GANC: variants seen among roughly 807,000 people sequenced by gnomAD.
GANC encodes neutral alpha-glucosidase C.
A neutral mutation model predicts 124.2 loss-of-function variants in GANC; 117 were observed. The ratio of observed to expected loss-of-function variants is 0.94; its 90% confidence interval spans 0.81 to 1.10. GANC has a LOEUF of 1.10. Ranked by LOEUF, GANC falls within the 50% of genes least tolerant of loss-of-function variation. The probability of loss-of-function intolerance (pLI) is 0.00; values close to 1 mark genes in which losing one functional copy is unlikely to be tolerated. For synonymous variants in GANC, 377 were observed against 376.8 expected (o/e 1.00, Z -0.01); for missense variants, 1,140 against 1,095.0 (o/e 1.04, Z -0.58).
At chr15:42,327,706 T>A (rs1228790334) in intron 13 of GANC, among the ~76,000 whole-genome samples, 1 of 152,236 alleles carries the variant, frequency 6.6e-6, no homozygotes, top group Non-Finnish European at 1.5e-5. Context: ...AGCAGAGGTT[T>A]ATTATATTTT....
Position 42,308,373 on chromosome 15 carries a change from C to G in GANC, c.722+55C>G. 6.7e-6 allele frequency: 8 copies of G among 1,194,234 alleles called. No individual in the cohort carries two copies. The South Asian group carries it at 1.0e-4, about 15-fold the overall frequency. The allele number at this position is 1,194,234 out of a possible 1,614,324, so 74.0% of individuals were successfully genotyped here. On this transcript the variant is annotated intron_variant, in intron 8 of 23. Transcript: ENST00000318010. ...TCTCTGGTTTTTGTATTGAGATGAT[C>G]TGAAAACATTTGTGAGCTGTCTGAG...
At position 42,343,193 on chromosome 15, in the gene GANC, A is replaced by C. The variant is rs367877357; in HGVS notation, c.2229+39A>C. 15 of 1,529,104 alleles carry C rather than the reference A, an allele frequency of 9.8e-6. No homozygotes were observed. In the African/African-American group the frequency reaches 1.5e-4, roughly 15 times the overall value. 94.7% of individuals were successfully genotyped at this position (1,529,104 alleles called of 1,614,324 possible). A position where few individuals can be genotyped will look rare whatever the true frequency, so the allele number is the denominator to read the frequency against. On this transcript the variant is annotated intron_variant, in intron 19 of 23. Coordinates refer to ENST00000318010, the MANE Select transcript of GANC (RefSeq NM_198141.3). ...CAGCCACATATCTGATATGTCTCAT[A>C]TCTCTCATCCCTTCTTTTCTTTTAG...
chr15:42,292,994 ACATAGCAC>A, intron 5 of GANC, 77 bp downstream of exon 5: 3 of 1,341,712 alleles, frequency 2.2e-6, no homozygotes, highest in South Asian at 2.8e-5. Flanking sequence ...TAAATAGATA[ACATAGCAC>A]CATAGAAAAT....
chr15:42,307,518 C>T (rs1183346733), intron 7 of GANC, among the ~76,000 whole-genome samples: 1 of 151,918 alleles, frequency 6.6e-6, no homozygotes, highest in African/African-American at 2.4e-5. Context: ...TCTTTTTCAC[C>T]TTCTCTGTAG....
rs748746631 is a variant in GANC, at chr15:42,339,756, G to T, written c.1931G>T (p.Gly644Val). Residue 644 changes from glycine to valine, a missense_variant, in exon 17 of 24, where the codon GGC becomes GTC. Transcript: ENST00000318010. The part of the protein sequence containing the change: ...QAGAYQPFFR[G>V]HATMNTKRRE... Reference sequence around the variant, plus strand: ...GGAGCCTACCAGCCCTTCTTCCGTGGCCATGCCACCATGAACACCAAGCGA... The same window carrying T: ...GGAGCCTACCAGCCCTTCTTCCGTGTCCATGCCACCATGAACACCAAGCGA... 1.2e-6 allele frequency: 2 copies of T among 1,614,128 alleles called. No homozygotes were observed. Among genetic ancestry groups the T allele is most frequent in the Non-Finnish European group, 1.7e-6 (2 of 1,180,012 alleles).
At chr15:42,340,048 A>G (rs939617242) in intron 17 of GANC, 136 bp downstream of exon 17, 1 of 1,220,214 alleles carries the variant, frequency 8.2e-7, no homozygotes, top group Non-Finnish European at 1.1e-6. Flanking sequence ...AAGTTTCAAT[A>G]AGCTTATTGA....
intron 3 of GANC, among the ~76,000 whole-genome samples, chr15:42,281,877 G>A (rs1465303877): frequency 6.6e-6 from 1 of 152,060 alleles, no homozygotes. Context: ...AAAGTCTTGA[G>A]AAACGGTCTC....
intron 6 of GANC, among the ~76,000 whole-genome samples, chr15:42,299,169 T>C (rs1430265766): frequency 6.6e-6 from 1 of 152,214 alleles, no homozygotes; most frequent in Non-Finnish European, 1.5e-5. Context: ...CTTCTAGCTT[T>C]TGCCCATTCA....
At chr15:42,290,653 A>T (rs187856450) in intron 4 of GANC, among the ~76,000 whole-genome samples, 11 of 152,154 alleles carry the variant, frequency 7.2e-5, no homozygotes, top group Non-Finnish European at 1.3e-4. Flanking sequence ...ATAAAAAATT[A>T]AAAAACTAAC....
chr15:42,304,401 A>G (rs1049914405), intron 6 of GANC, among the ~76,000 whole-genome samples: 1 of 152,116 alleles, frequency 6.6e-6, no homozygotes, highest in African/African-American at 2.4e-5. Flanking sequence ...ATGGAATACA[A>G]CTTACAAGGG....
intron 1 of GANC, among the ~76,000 whole-genome samples, chr15:42,274,712 G>C (rs1314754760): frequency 6.6e-6 from 1 of 152,082 alleles, no homozygotes; most frequent in Admixed American, 6.6e-5. Context: ...AGTGGCTCAC[G>C]CAGGTAATCC....
intron 11 of GANC, among the ~76,000 whole-genome samples, chr15:42,323,339 A>G (rs2052176088): frequency 6.6e-6 from 1 of 152,198 alleles, no homozygotes; most frequent in Admixed American, 6.5e-5. Flanking sequence ...TTGTGGTCTT[A>G]CAGTGAGTGA....
In GANC at chr15:42,287,901, A is replaced by G. The variant is rs115673291; in HGVS notation, c.329+83A>G. 2,762 of 1,440,690 alleles carry G rather than the reference A, an allele frequency of 1.9e-3. 58 individuals carry two copies. The African/African-American group carries it at 0.037, about 19-fold the overall frequency. The allele number at this position is 1,440,690 out of a possible 1,614,324, so 89.2% of individuals were successfully genotyped here. ...TTGAGTAATAAATTTTGTTATGTGCACTTCTTATTTTGGCTGCTCAAAACT... is the reference window on the plus strand; with the variant it reads ...TTGAGTAATAAATTTTGTTATGTGCGCTTCTTATTTTGGCTGCTCAAAACT... On this transcript the variant is annotated intron_variant, in intron 4 of 23. Coordinates refer to ENST00000318010, the MANE Select transcript of GANC (RefSeq NM_198141.3).
At chr15:42,339,196 A>G (rs2052308168) in intron 16 of GANC, among the ~76,000 whole-genome samples, 1 of 152,020 alleles carries the variant, frequency 6.6e-6, no homozygotes, top group African/African-American at 2.4e-5. Context: ...TTCTATTCTG[A>G]TAATCAGAAC....
intron 10 of GANC, among the ~76,000 whole-genome samples, chr15:42,317,113 G>A (rs573943213): frequency 6.6e-6 from 1 of 151,666 alleles, no homozygotes; most frequent in Admixed American, 6.6e-5. Flanking sequence ...CTCTTGCCTC[G>A]GCACCTGGGT....
At chr15:42,348,302 G>A (rs2052385446) in intron 21 of GANC, 86 bp downstream of exon 21, 1 of 738,656 alleles carries the variant, frequency 1.4e-6, no homozygotes, top group African/African-American at 1.8e-5. Context: ...CGTAAAAGTG[G>A]TGAGCTCCTG....
At chr15:42,274,893 G>A (rs1293521239) in intron 1 of GANC, among the ~76,000 whole-genome samples, 1 of 151,618 alleles carries the variant, frequency 6.6e-6, no homozygotes, top group Non-Finnish European at 1.5e-5. Context: ...GTGAGACCCT[G>A]TCTCCAAAAA....
chr15:42,326,227 G>C (rs1349427877), intron 11 of GANC, 71 bp from the exon 12 acceptor site: 8 of 1,105,190 alleles, frequency 7.2e-6, no homozygotes, highest in Non-Finnish European at 9.4e-6. Flanking sequence ...CCAAACTATG[G>C]CGAAAACATA....
intron 5 of GANC, among the ~76,000 whole-genome samples, chr15:42,296,422 T>C (rs970482720): frequency 4.6e-5 from 7 of 152,154 alleles, no homozygotes; most frequent in African/African-American, 1.4e-4. Flanking sequence ...ATTTCACTCT[T>C]GTTGCCCAGG....
Sources: gnomAD v4.1 joint callset for allele counts (sites outside exome capture counted in the v4.1 genomes callset) on GRCh38, gnomAD v4.1.1 for gene constraint, MANE v1.5 for transcripts, NCBI Gene and HGNC (gene_info 2026-07-23, HGNC 2026-07-21) for gene names.